The following ARID4A variants were observed in gnomAD, a reference collection of about 807,000 sequenced individuals.
ARID4A encodes the protein AT-rich interactive domain-containing protein 4A.
In ARID4A, 39 loss-of-function variants were observed where a neutral mutation model predicts 148.6. That is an observed-to-expected ratio of 0.26 (90% CI 0.20 to 0.34). The LOEUF is 0.34. Among genes scored for constraint, ARID4A ranks in the 10% least tolerant of loss-of-function variants. The pLI is 1.00. For synonymous variants in ARID4A, 475 were observed against 481.2 expected, an observed-to-expected ratio of 0.99 and a Z score of 0.17; for missense variants, 1,265 against 1,449.1, an observed-to-expected ratio of 0.87 and a Z score of 2.06.
intron 5 of ARID4A, among the ~76,000 whole-genome samples, chr14:58,310,092 C>T (rs939556656): frequency 1.3e-5 from 2 of 152,130 alleles, no homozygotes; most frequent in Non-Finnish European, 2.9e-5. Context: ...GTGTTTAATC[C>T]TATCATAGGC....
intron 5 of ARID4A, among the ~76,000 whole-genome samples, chr14:58,306,987 G>T (rs1594866442): frequency 6.6e-6 from 1 of 152,166 alleles, no homozygotes; most frequent in Non-Finnish European, 1.5e-5. Context: ...TAACTTTATT[G>T]TATTAATAGT....
At chr14:58,338,414 G>T (rs946485975) in intron 11 of ARID4A, among the ~76,000 whole-genome samples, 1 of 152,216 alleles carries the variant, frequency 6.6e-6, no homozygotes, top group Non-Finnish European at 1.5e-5. Context: ...CCTCAGAGCT[G>T]CCACTTCTGA....
At chr14:58,371,269 G>A (rs2035600248) in intron 23 of ARID4A, among the ~76,000 whole-genome samples, 1 of 152,000 alleles carries the variant, frequency 6.6e-6, no homozygotes, top group African/African-American at 2.4e-5. Context: ...GGAACAATCA[G>A]GCAAAGAAAG....
intron 11 of ARID4A, among the ~76,000 whole-genome samples, chr14:58,343,072 C>A (rs1246371984): frequency 6.6e-6 from 1 of 152,088 alleles, no homozygotes. Flanking sequence ...TGAAGTGGTT[C>A]TTGGGCTACT....
chr14:58,349,924 C>A (rs1004190304), intron 15 of ARID4A, among the ~76,000 whole-genome samples: 1 of 151,710 alleles, frequency 6.6e-6, no homozygotes, highest in South Asian at 2.1e-4. Flanking sequence ...TCCTGGCCAA[C>A]GTGGTGAAAC....
Position 58,371,958 on chromosome 14 carries a change from C to T in ARID4A, c.3743C>T (p.Pro1248Leu), listed in dbSNP as rs1336940855. The change falls in exon 24 of 24, where the codon CCA becomes CTA. Residue 1248 changes from proline (P) to leucine (L), a missense_variant. By Grantham distance (98) the Pro-to-Leu change is moderately conservative. This residue lies in a region of ARID4A where 666 missense variants were observed against 730.9 expected (regional missense o/e 0.91). Transcript: ENST00000355431. ...ATGAGTCCCTCATCATCATCTCCCC[C>T]ACAAAATGTACTTGCTGTAGAATGC... ...TGMSPSSSSP[P>L]QNVLAVECR is the part of the protein sequence containing the mutation. 1.9e-6 allele frequency: 3 copies of T among 1,611,536 alleles called. No individual in the cohort carries two copies. The highest frequency in any genetic ancestry group is 2.5e-6 in the Non-Finnish European group (3 of 1,177,692).
intron 11 of ARID4A, among the ~76,000 whole-genome samples, chr14:58,335,817 C>G (rs911360635): frequency 6.6e-6 from 1 of 152,170 alleles, no homozygotes; most frequent in African/African-American, 2.4e-5. Flanking sequence ...ATACCCAGTC[C>G]ATTCTCTTCT....
rs747612667 is a variant in ARID4A at position 58,328,353 on chromosome 14, GA to G, written c.662+47del. On this transcript the variant is annotated intron_variant, in intron 9 of 23. Transcript: ENST00000355431. ...ATCCTTTAATGATGTTACGTGGGAG[GA>G]AAAAAAAAATAGAATTACAATGATA... 3.3e-3 allele frequency: 3,902 copies of G among 1,196,638 alleles called. 1 individual carries two copies. The highest frequency in any genetic ancestry group is 4.6e-3 in the South Asian group (310 of 67,192). The allele number at this position is 1,196,638 out of a possible 1,614,324, so 74.1% of individuals were successfully genotyped here.
At chr14:58,312,258 C>T (rs1162073730) in intron 5 of ARID4A, among the ~76,000 whole-genome samples, 2 of 150,672 alleles carry the variant, frequency 1.3e-5, no homozygotes, top group East Asian at 3.9e-4. Context: ...GCTTTGTTGC[C>T]CAGGCTGGAG....
At chr14:58,346,534 G>GCAA in intron 13 of ARID4A, 29 bp downstream of exon 13, 1 of 1,470,962 alleles carries the variant, frequency 6.8e-7, no homozygotes, top group Non-Finnish European at 9.4e-7. Context: ...TTTGAAACAT[G>GCAA]TATTGATGTG....
At chr14:58,321,245 A>G (rs1268334035) in intron 7 of ARID4A, among the ~76,000 whole-genome samples, 1 of 152,206 alleles carries the variant, frequency 6.6e-6, no homozygotes, top group African/African-American at 2.4e-5. Flanking sequence ...TGTACTAATA[A>G]TTCTTGCCTG....
At chr14:58,327,888 G>A (rs2033305507) in intron 8 of ARID4A, among the ~76,000 whole-genome samples, 1 of 152,020 alleles carries the variant, frequency 6.6e-6, no homozygotes, top group African/African-American at 2.4e-5. Flanking sequence ...ACCCAGGCTG[G>A]TCTTGAACTC....
chr14:58,326,254 G>A (rs962339747), intron 8 of ARID4A, among the ~76,000 whole-genome samples: 5 of 152,178 alleles, frequency 3.3e-5, no homozygotes, highest in East Asian at 3.9e-4. Flanking sequence ...TGGCTAACAT[G>A]GTGAAACCCT....
intron 13 of ARID4A, among the ~76,000 whole-genome samples, 199 bp downstream of exon 13, chr14:58,346,704 G>T (rs904914722): frequency 6.6e-6 from 1 of 151,524 alleles, no homozygotes; most frequent in Admixed American, 6.6e-5. Flanking sequence ...GAGGCGGGTG[G>T]ATTGCTTAAG....
chr14:58,342,292 G>C (rs2034152203), intron 11 of ARID4A, among the ~76,000 whole-genome samples: 1 of 152,050 alleles, frequency 6.6e-6, no homozygotes, highest in Non-Finnish European at 1.5e-5. Flanking sequence ...CAAGGCATTT[G>C]TTTGTAAGTA....
chr14:58,324,875 A>C lies in ARID4A; in HGVS notation c.582+1258A>C, dbSNP rs372758075. Among the ~76,000 whole-genome samples, 470 of 152,336 alleles carry C rather than the reference A, an allele frequency of 3.1e-3. 31 individuals are homozygous for C. The South Asian group carries it at 0.094, about 30-fold the overall frequency. ...GTTCTAAGCTCCTTAGAAGATAAACAAATACGAGGCTTTAATGTATTGCCC... is the reference window on the plus strand; with the variant it reads ...GTTCTAAGCTCCTTAGAAGATAAACCAATACGAGGCTTTAATGTATTGCCC... On this transcript the variant is annotated intron_variant, in intron 8 of 23. Transcript: ENST00000355431.
At chr14:58,306,698 T>G (rs2031630444) in intron 5 of ARID4A, among the ~76,000 whole-genome samples, 1 of 152,082 alleles carries the variant, frequency 6.6e-6, no homozygotes, top group Non-Finnish European at 1.5e-5. Flanking sequence ...GCCAACATGG[T>G]GAAACCCCGT....
At chr14:58,306,430 C>T (rs965465928) in intron 5 of ARID4A, among the ~76,000 whole-genome samples, 2 of 152,194 alleles carry the variant, frequency 1.3e-5, no homozygotes, top group Middle Eastern at 3.4e-3. Context: ...TGCATAGTTG[C>T]GATCGTTACT....
chr14:58,311,430 A>G (rs1181163067), intron 5 of ARID4A, among the ~76,000 whole-genome samples: 2 of 152,176 alleles, frequency 1.3e-5, no homozygotes, highest in Admixed American at 1.3e-4. Context: ...CAAGAAGATA[A>G]AAGGTTACAA....
Sources: gnomAD v4.1 joint callset for allele counts (sites outside exome capture counted in the v4.1 genomes callset) on GRCh38, gnomAD v4.1.1 for gene constraint, gnomAD v4.1.1 regional missense constraint, MANE v1.5 for transcripts, NCBI Gene and HGNC (gene_info 2026-07-23, HGNC 2026-07-21) for gene names.